The following ZBTB41 variants were observed in gnomAD, a reference collection of about 807,000 sequenced individuals.
ZBTB41 encodes zinc finger and BTB domain containing 41.
In ZBTB41, 42 loss-of-function variants were observed where a neutral mutation model predicts 87.6. The observed-to-expected ratio is 0.48, with a 90% CI of 0.37 to 0.62. ZBTB41 has a LOEUF of 0.62. Ranked by LOEUF, ZBTB41 falls within the 20% of genes least tolerant of loss-of-function variation. The probability of loss-of-function intolerance (pLI) is 0.00; values close to 1 mark genes in which losing one functional copy is unlikely to be tolerated. For missense variants in ZBTB41, 799 were observed against 1,078.9 expected, an observed-to-expected ratio of 0.74 and a Z score of 3.63; for synonymous variants, 364 against 364.0, an observed-to-expected ratio of 1.00 and a Z score of 0.00.
chr1:197,164,128 T>A (rs907866581), intron 10 of ZBTB41, among the ~76,000 whole-genome samples: 2 of 152,064 alleles, frequency 1.3e-5, no homozygotes. Context: ...ATAAGAAAGA[T>A]AAGGGTGTTA....
At chr1:197,184,119 A>G (rs1659825696) in intron 5 of ZBTB41, among the ~76,000 whole-genome samples, 1 of 152,220 alleles carries the variant, frequency 6.6e-6, no homozygotes. Context: ...ATTCTCCAAT[A>G]AAAACTACTT....
At chr1:197,193,449 C>G (rs1487074043) in intron 2 of ZBTB41, among the ~76,000 whole-genome samples, 1 of 152,012 alleles carries the variant, frequency 6.6e-6, no homozygotes, top group African/African-American at 2.4e-5. Context: ...TATTAACTGT[C>G]ATCATTATTA....
Position 197,161,852 on chromosome 1 carries a change from T to A in ZBTB41, c.2075-1838A>T, listed in dbSNP as rs543405241. Among the ~76,000 whole-genome samples, 1,119 of 151,852 alleles carry A rather than the reference T, an allele frequency of 7.4e-3. 9 individuals carry two copies. Among genetic ancestry groups the A allele is most frequent in the African/African-American group, 0.024 (990 of 41,424 alleles). On this transcript the variant is annotated intron_variant, in intron 10 of 10. Coordinates refer to ENST00000367405, the MANE Select transcript of ZBTB41 (RefSeq NM_194314.3). ...TGCAATGAGCATTCTATAATTTTTT[T>A]AAAAAAAATAAGAACACGACCACAG...
At chr1:197,184,746 C>T (rs937848915) in intron 5 of ZBTB41, among the ~76,000 whole-genome samples, 9 of 151,918 alleles carry the variant, frequency 5.9e-5, no homozygotes, top group African/African-American at 2.2e-4. Flanking sequence ...TTTTATAGTT[C>T]TTAAAGACTT....
intron 2 of ZBTB41, 148 bp downstream of exon 2, chr1:197,199,206 G>A: frequency 1.4e-6 from 1 of 690,588 alleles, no homozygotes; most frequent in Non-Finnish European, 2.2e-6. Flanking sequence ...TAAAGTAACA[G>A]GATAAACACT....
In ZBTB41 at chr1:197,200,339, A is replaced by C; in HGVS notation, c.135T>G (p.Pro45=). The C allele has an allele frequency of 6.2e-7, 1 of 1,614,198 alleles. No individual in the cohort carries two copies. The highest frequency in any genetic ancestry group is 8.5e-7 in the Non-Finnish European group (1 of 1,180,030). Residue 45 remains proline (P), a synonymous_variant, in exon 2 of 11, where the codon CCT becomes CCG. Coordinates refer to ENST00000367405, the MANE Select transcript of ZBTB41 (RefSeq NM_194314.3). ...GTTCCTGGTAACAGTGAAGAGCTTC[A>C]GGAGTTGGTCTTCCTGCAGAATGAG... ...TYTHSAGRPT[P]EALHCYQELP... is the part of the protein sequence containing the mutation.
At chr1:197,199,112 T>C (rs1048507375) in intron 2 of ZBTB41, among the ~76,000 whole-genome samples, 3 of 152,104 alleles carry the variant, frequency 2.0e-5, no homozygotes, top group Non-Finnish European at 4.4e-5. Context: ...AGCAAATACA[T>C]GATCTAATGA....
rs1660253157 is a variant in ZBTB41, at chr1:197,199,593, T to C, written c.881A>G (p.Asp294Gly). 1.2e-6 allele frequency: 2 copies of C among 1,609,066 alleles called. No individual in the cohort carries two copies. The highest frequency in any genetic ancestry group is 1.7e-6 in the Non-Finnish European group (2 of 1,178,670). ...NFDKEKSDRN[D>G]SEDPGSEYNA... ...ATATTCACTTCCAGGGTCCTCAGAA[T>C]CATTTCTATCTGACTTTTCCTTATC... Residue 294 changes from aspartate (D) to glycine (G), a missense_variant, in exon 2 of 11, where the codon GAT becomes GGT. This residue lies in a region of ZBTB41 where 294 missense variants were observed against 340.1 expected (regional missense o/e 0.86). Transcript: ENST00000367405.
chr1:197,181,163 G>T (rs1313007112), intron 5 of ZBTB41, 46 bp from the exon 6 acceptor site: 2 of 1,524,000 alleles, frequency 1.3e-6, no homozygotes, highest in South Asian at 1.3e-5. Flanking sequence ...TTAAAGAGGA[G>T]ATACTAAGTT....
Position 197,179,922 on chromosome 1 carries a change from T to C in ZBTB41, c.1676+1066A>G, listed in dbSNP as rs59984674. On this transcript the variant is annotated intron_variant, in intron 6 of 10. Coordinates refer to ENST00000367405, the MANE Select transcript of ZBTB41 (RefSeq NM_194314.3). ...AAATAAAAATGTTACAGTAAGCTGC[T>C]GTTCATTTGAGGGAAAAAATTTTAA... Among the ~76,000 whole-genome samples, 964 of 152,162 alleles carry C rather than the reference T, an allele frequency of 6.3e-3. 12 individuals are homozygous for C. The highest frequency in any genetic ancestry group is 0.022 in the African/African-American group (926 of 41,518).
At position 197,191,856 on chromosome 1, in the gene ZBTB41, G is replaced by A. The variant is rs1386924455; in HGVS notation, c.1164C>T (p.Pro388=). 1 of 1,613,478 alleles carries A rather than the reference G, an allele frequency of 6.2e-7. No individual in the cohort carries two copies. Among genetic ancestry groups the A allele is most frequent in the Admixed American group, 1.7e-5 (1 of 59,966 alleles). The change falls in exon 3 of 11, where the codon CCC becomes CCT. Residue 388 remains proline, a synonymous_variant. Coordinates refer to ENST00000367405, the MANE Select transcript of ZBTB41 (RefSeq NM_194314.3). ...GCTGGTGACAAATATCACACTCAAA[G>A]GGCTTCTCACCTGTGTGAACACGGG... is the stretch of plus-strand genomic sequence containing the variant. ...SHTRVHTGEK[P]FECDICHQRY...
intron 10 of ZBTB41, among the ~76,000 whole-genome samples, chr1:197,163,995 C>G (rs1659258422): frequency 6.6e-6 from 1 of 151,568 alleles, no homozygotes; most frequent in African/African-American, 2.4e-5. Context: ...GGTGGAAGAA[C>G]AGTAAACAGT....
intron 6 of ZBTB41, among the ~76,000 whole-genome samples, chr1:197,180,231 T>G (rs1387390957): frequency 1.3e-5 from 2 of 152,190 alleles, no homozygotes; most frequent in Non-Finnish European, 2.9e-5. Context: ...AGTAACATGC[T>G]ATACAGGTTT....
chr1:197,178,937 A>T (rs1370418707), intron 6 of ZBTB41, among the ~76,000 whole-genome samples: 1 of 152,134 alleles, frequency 6.6e-6, no homozygotes, highest in African/African-American at 2.4e-5. Flanking sequence ...AAGCAAAGAA[A>T]ATGTTGTAGT....
intron 7 of ZBTB41, among the ~76,000 whole-genome samples, chr1:197,178,061 T>C (rs1284986415): frequency 6.6e-6 from 1 of 152,012 alleles, no homozygotes; most frequent in Non-Finnish European, 1.5e-5. Flanking sequence ...GGGGAGTTTT[T>C]TACTTTGTCT....
intron 7 of ZBTB41, among the ~76,000 whole-genome samples, chr1:197,177,971 G>A (rs1205254019): frequency 6.6e-6 from 1 of 151,890 alleles, no homozygotes; most frequent in Non-Finnish European, 1.5e-5. Flanking sequence ...CTGCAAATAT[G>A]GTCAAGGATT....
intron 10 of ZBTB41, among the ~76,000 whole-genome samples, chr1:197,166,984 G>A (rs906906235): frequency 6.6e-6 from 1 of 152,036 alleles, no homozygotes. Context: ...CCAGATAACT[G>A]AAAAAGATAA....
intron 8 of ZBTB41, among the ~76,000 whole-genome samples, chr1:197,176,282 GT>G (rs1367220687): frequency 3.9e-5 from 6 of 152,014 alleles, no homozygotes; most frequent in Non-Finnish European, 5.9e-5. Context: ...ATATATCCAT[GT>G]AATATGCAAA....
Position 197,154,277 on chromosome 1 carries a change from T to A in ZBTB41, c.*5082A>T, listed in dbSNP as rs1325213302. The A allele has an allele frequency of 6.6e-6, 1 of 152,528 alleles. No homozygotes were observed. The highest frequency in any genetic ancestry group is 1.5e-5 in the Non-Finnish European group (1 of 67,972). The allele number at this position is 152,528 out of a possible 1,614,324, so 9.4% of individuals were successfully genotyped here. On this transcript the variant is annotated 3_prime_UTR_variant, in exon 11 of 11. Coordinates refer to ENST00000367405, the MANE Select transcript of ZBTB41 (RefSeq NM_194314.3). Reference sequence around the variant, plus strand: ...AGAATCTCCAACAGCAATGCAAGCATTGATTACTTTTCTTTACCTAAGAAT... The same window carrying A: ...AGAATCTCCAACAGCAATGCAAGCAATGATTACTTTTCTTTACCTAAGAAT...
Sources: gnomAD v4.1 joint callset for allele counts (sites outside exome capture counted in the v4.1 genomes callset) on GRCh38, gnomAD v4.1.1 for gene constraint, gnomAD v4.1.1 regional missense constraint, MANE v1.5 for transcripts, NCBI Gene and HGNC (gene_info 2026-07-23, HGNC 2026-07-21) for gene names.